Variants in ASNS observed in about 807,000 individuals in gnomAD.
ASNS encodes asparagine synthetase (glutamine-hydrolyzing).
In ASNS, 37 loss-of-function variants were observed where a neutral mutation model predicts 62.6. That is an observed-to-expected ratio of 0.59 (90% confidence interval 0.45 to 0.78). ASNS has a LOEUF of 0.78. Among genes scored for constraint, ASNS ranks in the 30% least tolerant of loss-of-function variants. The pLI is 0.00. For missense variants in ASNS, 520 were observed against 682.4 expected (o/e 0.76, Z 2.65); for synonymous variants, 207 against 237.9 (o/e 0.87, Z 1.19).
At chr7:97,911,083 T>C in the ASNS span, among the ~76,000 whole-genome samples, 1 of 152,254 alleles carries the variant, frequency 6.6e-6, no homozygotes, top group African/African-American at 2.4e-5. Flanking sequence ...AAGGAATTAC[T>C]GGTAATTTGA....
At chr7:97,882,207 A>G in the ASNS span, among the ~76,000 whole-genome samples, 2 of 152,136 alleles carry the variant, frequency 1.3e-5, no homozygotes, top group African/African-American at 4.8e-5. Context: ...CCTTTTCCCA[A>G]GTCACAGTGG....
At chr7:97,893,693 A>G in the ASNS span, among the ~76,000 whole-genome samples, 1 of 152,280 alleles carries the variant, frequency 6.6e-6, no homozygotes, top group Admixed American at 6.5e-5. Context: ...CCAAATATGC[A>G]TGCAACCAAC....
the ASNS span, chr7:97,928,231 C>T: frequency 1.3e-6 from 2 of 1,526,854 alleles, no homozygotes; most frequent in Non-Finnish European, 1.8e-6. Context: ...TCGTCCTCCT[C>T]CCTCCTGGGC....
chr7:97,905,165 C>G, the ASNS span, among the ~76,000 whole-genome samples: 1 of 152,230 alleles, frequency 6.6e-6, no homozygotes, highest in Non-Finnish European at 1.5e-5. Context: ...CTAGCTACAT[C>G]ATGCAACTGT....
chr7:97,903,050 G>C, the ASNS span, among the ~76,000 whole-genome samples: 22 of 152,120 alleles, frequency 1.4e-4, no homozygotes, highest in Admixed American at 4.6e-4. Flanking sequence ...AAATGCACAG[G>C]GAACCCCCAC....
At chr7:97,874,981 C>T (rs1344336668), upstream of ASNS, among the ~76,000 whole-genome samples, 12 of 152,176 alleles carry the variant, frequency 7.9e-5, no homozygotes, top group African/African-American at 1.7e-4. Context: ...GTTAGCCTGA[C>T]GAAGTGGTAG....
At chr7:97,907,508 C>G in the ASNS span, among the ~76,000 whole-genome samples, 2 of 152,110 alleles carry the variant, frequency 1.3e-5, no homozygotes, top group Non-Finnish European at 2.9e-5. Context: ...GTGGCTCACA[C>G]CTGTAATCCC....
In ASNS at chr7:97,859,136, C is replaced by T. The variant is rs368327200; in HGVS notation, c.673+77G>A. On this transcript the variant is annotated intron_variant, in intron 5 of 12. Transcript: ENST00000394308. ...AGTAGGTCTTGAAACTAAAATCATT[C>T]AAATGATGGGAGAATACAACTTAAA... The T allele has an allele frequency of 7.5e-5, 114 of 1,519,236 alleles. 2 individuals carry two copies. In the South Asian group the frequency reaches 1.4e-3, roughly 18 times the overall value. The allele number at this position is 1,519,236 out of a possible 1,614,324, so 94.1% of individuals were successfully genotyped here.
At chr7:97,907,386 A>G in the ASNS span, among the ~76,000 whole-genome samples, 1 of 152,242 alleles carries the variant, frequency 6.6e-6, no homozygotes, top group Non-Finnish European at 1.5e-5. Flanking sequence ...GAAATATCTC[A>G]TGGAATATAG....
chr7:97,896,741 C>CACACACACACAT, the ASNS span, among the ~76,000 whole-genome samples: 12 of 19,780 alleles, frequency 6.1e-4, no homozygotes, highest in African/African-American at 1.3e-3. Context: ...CACACACACA[C>CACACACACACAT]ATATATATAT....
chr7:97,870,226 T>G, intron 1 of ASNS: 2 of 955,114 alleles, frequency 2.1e-6, no homozygotes, highest in Non-Finnish European at 3.0e-6. Context: ...AGTGTCTGAG[T>G]GCTACGAAGA....
At chr7:97,925,674 G>A in the ASNS span, among the ~76,000 whole-genome samples, 1 of 152,190 alleles carries the variant, frequency 6.6e-6, no homozygotes, top group East Asian at 1.9e-4. Context: ...GCCCCAGGCT[G>A]ACAATAACCT....
the ASNS span, among the ~76,000 whole-genome samples, chr7:97,919,052 T>A: frequency 1.3e-5 from 2 of 152,172 alleles, no homozygotes; most frequent in Non-Finnish European, 2.9e-5. Context: ...ATGTTTTGTT[T>A]TTTGTTTTCT....
the ASNS span, among the ~76,000 whole-genome samples, chr7:97,911,249 A>G: frequency 6.6e-6 from 1 of 152,148 alleles, no homozygotes; most frequent in Non-Finnish European, 1.5e-5. Context: ...GCAAATGTTA[A>G]TAGTTTTTAA....
At chr7:97,876,439 T>A (rs963450267), upstream of ASNS, among the ~76,000 whole-genome samples, 4 of 151,432 alleles carry the variant, frequency 2.6e-5, no homozygotes, top group African/African-American at 9.7e-5. Flanking sequence ...ATTTTTTTTT[T>A]TTTTTTTGAG....
chr7:97,914,159 G>GATGC, the ASNS span, among the ~76,000 whole-genome samples: 3 of 23,726 alleles, frequency 1.3e-4, no homozygotes, highest in East Asian at 6.5e-3. Flanking sequence ...TGCATGGATG[G>GATGC]ATGGATGGAT....
chr7:97,916,029 G>A, the ASNS span, among the ~76,000 whole-genome samples: 506 of 152,258 alleles, frequency 3.3e-3, 3 homozygotes, highest in African/African-American at 0.011. Flanking sequence ...TACACCCTCA[G>A]GCTCAGGATA....
At chr7:97,919,580 C>T in the ASNS span, among the ~76,000 whole-genome samples, 6,419 of 152,306 alleles carry the variant, frequency 0.042, 310 homozygotes, top group African/African-American at 0.11. Context: ...CAGGCACCTA[C>T]ACCTTGCAAC....
chr7:97,869,385 C>T (rs1432531907), intron 2 of ASNS, among the ~76,000 whole-genome samples: 1 of 152,172 alleles, frequency 6.6e-6, no homozygotes, highest in Non-Finnish European at 1.5e-5. Context: ...AGATAGTGAC[C>T]TCTACATTCA....
Sources: gnomAD v4.1 joint callset for allele counts (sites outside exome capture counted in the v4.1 genomes callset) on GRCh38, gnomAD v4.1.1 for gene constraint, MANE v1.5 for transcripts, NCBI Gene and HGNC (gene_info 2026-07-23, HGNC 2026-07-21) for gene names.